PDE7B: variants seen among roughly 807,000 people sequenced by gnomAD.
PDE7B encodes the protein 3',5'-cyclic-AMP phosphodiesterase 7B.
A neutral mutation model predicts 56.2 loss-of-function variants in PDE7B; 29 were observed. The ratio of observed to expected loss-of-function variants is 0.52; its 90% CI spans 0.38 to 0.70. PDE7B has a LOEUF of 0.70. Among genes scored for constraint, PDE7B ranks in the 30% least tolerant of loss-of-function variants. The pLI is 0.00. For synonymous variants in PDE7B, 197 were observed against 196.9 expected, an observed-to-expected ratio of 1.00 and a Z score of 0.00; for missense variants, 490 against 565.0, an observed-to-expected ratio of 0.87 and a Z score of 1.35.
intron 2 of PDE7B, among the ~76,000 whole-genome samples, chr6:135,959,273 G>A (rs1187713019): frequency 6.6e-6 from 1 of 152,028 alleles, no homozygotes; most frequent in African/African-American, 2.4e-5. Flanking sequence ...TTTTTTCAAT[G>A]ATAATCATAT....
At chr6:136,048,043 C>T (rs181814682) in intron 2 of PDE7B, among the ~76,000 whole-genome samples, 1 of 151,948 alleles carries the variant, frequency 6.6e-6, no homozygotes, top group African/African-American at 2.4e-5. Flanking sequence ...ATTCATGAAC[C>T]AAGAATGTTG....
chr6:136,163,691 T>C (rs746689314), intron 8 of PDE7B, among the ~76,000 whole-genome samples: 1 of 152,216 alleles, frequency 6.6e-6, no homozygotes, highest in Non-Finnish European at 1.5e-5. Context: ...TCCCTTTGAA[T>C]GCTTTGCCAT....
chr6:135,870,311 T>C (rs1583720879), intron 1 of PDE7B, among the ~76,000 whole-genome samples: 1 of 152,232 alleles, frequency 6.6e-6, no homozygotes, highest in East Asian at 1.9e-4. Context: ...GGTGGCATGT[T>C]CTGGCTCTGC....
intron 1 of PDE7B, among the ~76,000 whole-genome samples, chr6:135,893,878 G>A (rs941925860): frequency 3.9e-5 from 6 of 152,104 alleles, no homozygotes; most frequent in African/African-American, 1.4e-4. Flanking sequence ...TTAATTTCAA[G>A]TTTTGAAGTC....
At chr6:136,005,018 G>C (rs1160076573) in intron 2 of PDE7B, among the ~76,000 whole-genome samples, 1 of 152,146 alleles carries the variant, frequency 6.6e-6, no homozygotes, top group Non-Finnish European at 1.5e-5. Context: ...ATAGATCAAT[G>C]GAACAGAACA....
intron 2 of PDE7B, among the ~76,000 whole-genome samples, chr6:136,049,942 AT>A (rs34261341): frequency 3.3e-5 from 5 of 151,128 alleles, no homozygotes; most frequent in South Asian, 4.2e-4. Flanking sequence ...AAATCACTGC[AT>A]TTTTTTTTAT....
chr6:136,106,595 C>A (rs181994646), intron 2 of PDE7B, among the ~76,000 whole-genome samples: 3 of 152,142 alleles, frequency 2.0e-5, no homozygotes, highest in African/African-American at 7.2e-5. Flanking sequence ...GACTACAGAG[C>A]GAATAGTAGT....
chr6:136,099,354 GTCC>G (rs2128216986), intron 2 of PDE7B, among the ~76,000 whole-genome samples: 1 of 152,306 alleles, frequency 6.6e-6, no homozygotes, highest in Non-Finnish European at 1.5e-5. Context: ...TCGCCACACT[GTCC>G]TCCACAATGG....
intron 1 of PDE7B, among the ~76,000 whole-genome samples, chr6:135,939,120 A>G (rs1036049565): frequency 6.6e-6 from 1 of 152,174 alleles, no homozygotes; most frequent in African/African-American, 2.4e-5. Context: ...TCCAATAGCA[A>G]TAGCATTAAT....
chr6:135,947,341 C>A, intron 1 of PDE7B, 123 bp from the exon 2 acceptor site: 3 of 751,862 alleles, frequency 4.0e-6, no homozygotes, highest in Non-Finnish European at 7.0e-6. Context: ...AGTCCCTAGA[C>A]TCAGGTAACC....
At chr6:136,122,096 C>T (rs899860462) in intron 3 of PDE7B, among the ~76,000 whole-genome samples, 3 of 151,950 alleles carry the variant, frequency 2.0e-5, no homozygotes, top group African/African-American at 7.3e-5. Flanking sequence ...CCCGGGTTCA[C>T]GCCACTCTCC....
chr6:135,857,392 G>T (rs986825451), intron 1 of PDE7B, among the ~76,000 whole-genome samples: 1 of 152,028 alleles, frequency 6.6e-6, no homozygotes, highest in African/African-American at 2.4e-5. Flanking sequence ...GCTCAAAAAA[G>T]GATTCTGTTC....
intron 2 of PDE7B, among the ~76,000 whole-genome samples, chr6:136,090,462 T>A (rs1242180336): frequency 6.6e-6 from 1 of 152,238 alleles, no homozygotes; most frequent in East Asian, 1.9e-4. Flanking sequence ...TTTTTCTTTT[T>A]CAGAACTTGC....
At chr6:136,078,032 C>T (rs958713098) in intron 2 of PDE7B, among the ~76,000 whole-genome samples, 11 of 152,244 alleles carry the variant, frequency 7.2e-5, no homozygotes, top group South Asian at 4.1e-4. Context: ...GTAAATCTAG[C>T]GCCAAGCCAC....
chr6:136,014,804 C>T lies in PDE7B; in HGVS notation c.82+67280C>T, dbSNP rs893121335. 4.6e-5 allele frequency among the ~76,000 whole-genome samples: 7 copies of T among 152,186 alleles called. No homozygotes were observed. In the South Asian group the frequency reaches 1.2e-3, roughly 27 times the overall value. ...GCCTCATCTCTTTGAAATGACAATG[C>T]GTAAAACACATTGGCCCTCTGTTAT... is the stretch of plus-strand genomic sequence containing the variant. On this transcript the variant is annotated intron_variant, in intron 2 of 12. Transcript: ENST00000308191.
Position 136,156,817 on chromosome 6 carries a change from CAATTTTGTCAAAAA to C in PDE7B, c.711+1061_711+1074del, listed in dbSNP as rs145175115. Among the ~76,000 whole-genome samples the C allele has an allele frequency of 2.7e-3, 406 of 152,222 alleles. 4 individuals are homozygous for C. The highest frequency in any genetic ancestry group is 9.1e-3 in the African/African-American group (376 of 41,546). ...AGGACTTGAAAATAATAGGAAACTT[CAATTTTGTCAAAAA>C]ATTGTGATCCCTTTATTTTTGGCTA... On this transcript the variant is annotated intron_variant, in intron 8 of 12. Coordinates refer to ENST00000308191, the MANE Select transcript of PDE7B (RefSeq NM_018945.4).
chr6:136,018,230 C>A (rs1262654659), intron 2 of PDE7B, among the ~76,000 whole-genome samples: 1 of 152,138 alleles, frequency 6.6e-6, no homozygotes, highest in Admixed American at 6.5e-5. Context: ...TCCCAAGTAG[C>A]AGATCACTAA....
intron 8 of PDE7B, among the ~76,000 whole-genome samples, chr6:136,158,796 A>G (rs1296067769): frequency 6.6e-6 from 1 of 152,226 alleles, no homozygotes; most frequent in Non-Finnish European, 1.5e-5. Flanking sequence ...CTGGGAGGAA[A>G]AACAGCATGT....
chr6:136,065,015 A>G (rs544368255), intron 2 of PDE7B, among the ~76,000 whole-genome samples: 1 of 152,242 alleles, frequency 6.6e-6, no homozygotes, highest in African/African-American at 2.4e-5. Context: ...GCATTTGTCT[A>G]TGTGTGCAAA....
Sources: allele counts gnomAD v4.1 joint callset (sites outside exome capture counted in the v4.1 genomes callset), GRCh38; gene constraint gnomAD v4.1.1; transcripts MANE v1.5; gene names NCBI Gene and HGNC (gene_info 2026-07-23, HGNC 2026-07-21).